Variants in CRPPA observed in about 807,000 individuals in gnomAD.
CRPPA encodes the protein CDP-L-ribitol pyrophosphorylase A, also known as D-ribitol-5-phosphate cytidylyltransferase.
A neutral mutation model predicts 52.0 loss-of-function variants in CRPPA; 43 were observed. That is an observed-to-expected ratio of 0.83 (90% CI 0.65 to 1.07). CRPPA has a LOEUF of 1.07. Among genes scored for constraint, CRPPA ranks in the 50% least tolerant of loss-of-function variants. The pLI, the probability that CRPPA is intolerant of heterozygous loss-of-function variation, is 0.00. For missense variants in CRPPA, 629 were observed against 551.7 expected (o/e 1.14, Z -1.40); for synonymous variants, 250 against 203.5 (o/e 1.23, Z -1.94).
intron 2 of CRPPA, among the ~76,000 whole-genome samples, chr7:16,399,626 G>A (rs897103050): frequency 6.6e-5 from 10 of 151,576 alleles, no homozygotes; most frequent in South Asian, 4.2e-4. Context: ...TGACTGACCC[G>A]ATCGACACAT....
intron 4 of CRPPA, among the ~76,000 whole-genome samples, chr7:16,303,873 A>G (rs1243548939): frequency 1.3e-5 from 2 of 152,212 alleles, no homozygotes; most frequent in East Asian, 1.9e-4. Flanking sequence ...GGAATCCTCA[A>G]AAGTCATTCA....
chr7:16,292,513 G>A (rs1359542106), intron 5 of CRPPA, among the ~76,000 whole-genome samples: 1 of 151,914 alleles, frequency 6.6e-6, no homozygotes, highest in Non-Finnish European at 1.5e-5. Context: ...CCCCTGAAGG[G>A]TGCATTAAGG....
chr7:16,406,160 T>A lies in CRPPA; in HGVS notation c.435A>T (p.Lys145Asn). The A allele has an allele frequency of 6.2e-7, 1 of 1,613,846 alleles. No homozygotes were observed. The highest frequency in any genetic ancestry group is 8.5e-7 in the Non-Finnish European group (1 of 1,179,850). Reference sequence around the variant, plus strand: ...TAATCACTACTTCTGGCTTAGAGAGTTTAGAGTTGATCTGATCTTCTGCCA... The same window carrying A: ...TAATCACTACTTCTGGCTTAGAGAGATTAGAGTTGATCTGATCTTCTGCCA... Reference protein sequence around the residue: ...KALAEDQINSKLSKPEVVIIH... With the variant: ...KALAEDQINSNLSKPEVVIIH... Residue 145 changes from lysine (K) to asparagine (N), a missense_variant, in exon 2 of 10, where the codon AAA becomes AAT. Transcript: ENST00000407010.
intron 8 of CRPPA, among the ~76,000 whole-genome samples, chr7:16,241,977 G>T (rs1238636668): frequency 1.5e-5 from 2 of 130,910 alleles, no homozygotes; most frequent in African/African-American, 5.7e-5. Flanking sequence ...TTGTTGGGGG[G>T]AGATAGAGTC....
intron 6 of CRPPA, among the ~76,000 whole-genome samples, chr7:16,275,319 T>C (rs11561808): frequency 0.13 from 19,966 of 152,148 alleles, 1,458 homozygotes; most frequent in East Asian, 0.33. Flanking sequence ...GAACGTTCTC[T>C]GCTAGGGATA....
intron 2 of CRPPA, among the ~76,000 whole-genome samples, chr7:16,405,555 A>G (rs908288508): frequency 2.0e-5 from 3 of 152,170 alleles, no homozygotes; most frequent in Admixed American, 2.0e-4. Flanking sequence ...AACATGCTCC[A>G]AAGATTACAA....
intron 3 of CRPPA, among the ~76,000 whole-genome samples, chr7:16,314,494 C>T (rs1454593486): frequency 6.6e-6 from 1 of 152,002 alleles, no homozygotes; most frequent in Non-Finnish European, 1.5e-5. Context: ...ATAAATTTTA[C>T]CTTCACTGCC....
intron 9 of CRPPA, among the ~76,000 whole-genome samples, chr7:16,141,810 GAGA>G (rs1782878022): frequency 6.6e-6 from 1 of 152,134 alleles, no homozygotes; most frequent in African/African-American, 2.4e-5. Flanking sequence ...TTAAAGAAAA[GAGA>G]AGTTTATTTT....
chr7:16,324,033 C>T (rs987338270), intron 3 of CRPPA, among the ~76,000 whole-genome samples: 8 of 152,170 alleles, frequency 5.3e-5, no homozygotes, highest in African/African-American at 1.9e-4. Flanking sequence ...GAGAAGATGT[C>T]CATGCACTGG....
At chr7:16,326,367 A>G (rs1265988082) in intron 3 of CRPPA, among the ~76,000 whole-genome samples, 1 of 152,106 alleles carries the variant, frequency 6.6e-6, no homozygotes. Context: ...TAGGAAACAT[A>G]TGTAGATATT....
chr7:16,351,313 G>A (rs1284895449), intron 3 of CRPPA, among the ~76,000 whole-genome samples: 3 of 152,082 alleles, frequency 2.0e-5, no homozygotes, highest in African/African-American at 7.2e-5. Context: ...AACCCTAGAG[G>A]AAAACCTAGG....
chr7:16,231,617 CTAAGCTAAAACAGACTGA>C lies in CRPPA; in HGVS notation c.1120-15438_1120-15421del, dbSNP rs747295666. On this transcript the variant is annotated intron_variant, in intron 8 of 9. Transcript: ENST00000407010. ...TCTTGAACAGGCAAAATTACACAGT[CTAAGCTAAAACAGACTGA>C]ACTTTTTCTTATTTACATAAAAAAA... Among the ~76,000 whole-genome samples the C allele has an allele frequency of 9.9e-3, 1,504 of 152,240 alleles. 44 individuals carry two copies. In the East Asian group the frequency reaches 0.13, roughly 13 times the overall value.
In CRPPA at chr7:16,372,045, A is replaced by T. The variant is rs373681972; in HGVS notation, c.684+4047T>A. On this transcript the variant is annotated intron_variant, in intron 3 of 9. Transcript: ENST00000407010. ...ATTTTAAAAAAAGAACAAAGTCTCC[A>T]AGAAATATTGGATTACCAACCTAAG... Among the ~76,000 whole-genome samples, 37 of 152,292 alleles carry T rather than the reference A, an allele frequency of 2.4e-4. No individual in the cohort carries two copies. The East Asian group carries it at 2.9e-3, about 12-fold the overall frequency.
At chr7:16,347,831 A>G (rs1290360888) in intron 3 of CRPPA, among the ~76,000 whole-genome samples, 1 of 152,102 alleles carries the variant, frequency 6.6e-6, no homozygotes, top group Admixed American at 6.5e-5. Flanking sequence ...AACCACATAT[A>G]GCACCCTAAC....
intron 9 of CRPPA, among the ~76,000 whole-genome samples, chr7:16,139,044 C>T (rs764540049): frequency 6.6e-6 from 1 of 152,130 alleles, no homozygotes; most frequent in African/African-American, 2.4e-5. Context: ...TCAAGTGATC[C>T]ACCCACCTCA....
intron 8 of CRPPA, chr7:16,237,312 T>C (rs1281149962): frequency 6.6e-6 from 1 of 152,186 alleles, no homozygotes; most frequent in Non-Finnish European, 1.5e-5. Flanking sequence ...CTCACAGTTC[T>C]GGAAGTTGGA....
intron 8 of CRPPA, among the ~76,000 whole-genome samples, chr7:16,229,544 T>C (rs933408441): frequency 7.5e-6 from 1 of 132,526 alleles, no homozygotes; most frequent in African/African-American, 2.4e-5. Context: ...CACTACACAT[T>C]TACTTCACTC....
intron 9 of CRPPA, chr7:16,209,273 CTTT>C (rs34795937): frequency 3.6e-3 from 443 of 122,822 alleles, no homozygotes; most frequent in Middle Eastern, 0.017. Flanking sequence ...TTCTAAGTGT[CTTT>C]TTTTTTTTTT....
rs376276331 is a variant in CRPPA, at chr7:16,334,536, A to G, written c.685-25909T>C. 2.0e-5 allele frequency among the ~76,000 whole-genome samples: 3 copies of G among 152,284 alleles called. No individual in the cohort carries two copies. In the East Asian group the frequency reaches 5.8e-4, roughly 29 times the overall value. ...CCTGCCCATCCTATGCGGCAATCCC[A>G]TAAGACCTCACTCAGCCTTGGAGTC... is the stretch of plus-strand genomic sequence containing the variant. On this transcript the variant is annotated intron_variant, in intron 3 of 9. Coordinates refer to ENST00000407010, the MANE Select transcript of CRPPA (RefSeq NM_001101426.4).
Sources: gnomAD v4.1 joint callset for allele counts (sites outside exome capture counted in the v4.1 genomes callset) on GRCh38, gnomAD v4.1.1 for gene constraint, MANE v1.5 for transcripts, NCBI Gene and HGNC (gene_info 2026-07-23, HGNC 2026-07-21) for gene names.